GLT1D1: variants seen among roughly 807,000 people sequenced by gnomAD.
The protein encoded by GLT1D1 is glycosyltransferase 1 domain containing 1.
GLT1D1 carries 21 observed loss-of-function variants against 28.7 expected under a neutral mutation model. The ratio of observed to expected loss-of-function variants is 0.73; its 90% CI spans 0.52 to 1.05. GLT1D1 has a LOEUF of 1.05. Ranked by LOEUF, GLT1D1 falls within the 50% of genes least tolerant of loss-of-function variation. The probability of loss-of-function intolerance (pLI) is 0.00; values close to 1 mark genes in which losing one functional copy is unlikely to be tolerated. For synonymous variants in GLT1D1, 147 were observed against 124.8 expected (o/e 1.18, Z -1.19); for missense variants, 343 against 330.6 (o/e 1.04, Z -0.29).
At chr12:128,953,252 T>G (rs930104428) in intron 6 of GLT1D1, among the ~76,000 whole-genome samples, 5 of 152,366 alleles carry the variant, frequency 3.3e-5, no homozygotes, top group African/African-American at 1.2e-4. Flanking sequence ...CAGATATTTA[T>G]TTCCTAAATA....
At chr12:128,859,940 A>C (rs1388418554) in intron 1 of GLT1D1, among the ~76,000 whole-genome samples, 1 of 152,168 alleles carries the variant, frequency 6.6e-6, no homozygotes, top group East Asian at 1.9e-4. Flanking sequence ...TGGGCAAAAA[A>C]TCTGGGGGAT....
intron 7 of GLT1D1, among the ~76,000 whole-genome samples, chr12:128,966,418 A>G (rs1019064050): frequency 1.3e-5 from 2 of 152,168 alleles, no homozygotes; most frequent in African/African-American, 4.8e-5. Context: ...CTCACAGGTA[A>G]CTTGAGTCCC....
intron 3 of GLT1D1, among the ~76,000 whole-genome samples, chr12:128,895,265 T>C (rs1037145136): frequency 2.6e-5 from 4 of 152,096 alleles, no homozygotes; most frequent in African/African-American, 9.7e-5. Context: ...AGCTTGGAAA[T>C]GTATGTATGT....
intron 7 of GLT1D1, among the ~76,000 whole-genome samples, chr12:128,971,848 T>C (rs1344084586): frequency 3.8e-5 from 2 of 51,998 alleles, no homozygotes; most frequent in African/African-American, 1.1e-4. Flanking sequence ...TCCCTTCCTC[T>C]CTCCCTTCCC....
intron 6 of GLT1D1, among the ~76,000 whole-genome samples, chr12:128,953,299 T>G (rs1876918805): frequency 6.6e-6 from 1 of 152,192 alleles, no homozygotes. Flanking sequence ...TTCACTTTCT[T>G]AATGGTTTCC....
rs117084848 is a variant in GLT1D1 at position 128,898,146 on chromosome 12, T to C, written c.324-1090T>C. Among the ~76,000 whole-genome samples, 348 of 152,060 alleles carry C rather than the reference T, an allele frequency of 2.3e-3. 10 individuals are homozygous for C. In the East Asian group the frequency reaches 0.059, roughly 26 times the overall value. Reference sequence around the variant, plus strand: ...CTTCTTCTTCTTCCTCTTCCTCTTCTTCCTCCTCCTCCTCCTCCTTCTTCT... The same window carrying C: ...CTTCTTCTTCTTCCTCTTCCTCTTCCTCCTCCTCCTCCTCCTCCTTCTTCT... On this transcript the variant is annotated intron_variant, in intron 3 of 7. Coordinates refer to ENST00000281703, the MANE Select transcript of GLT1D1 (RefSeq NM_144669.3).
intron 2 of GLT1D1, among the ~76,000 whole-genome samples, chr12:128,887,014 AT>A (rs60745415): frequency 0.012 from 1,652 of 142,740 alleles, 20 homozygotes; most frequent in African/African-American, 0.032. Context: ...CCCAACCCAG[AT>A]TTTTTTTTTT....
chr12:128,940,713 C>T (rs1875118546), intron 4 of GLT1D1, among the ~76,000 whole-genome samples: 1 of 152,186 alleles, frequency 6.6e-6, no homozygotes, highest in African/African-American at 2.4e-5. Flanking sequence ...CTGTTCCTTC[C>T]AGATGCAAAG....
chr12:128,908,386 T>G (rs1795678), intron 4 of GLT1D1, among the ~76,000 whole-genome samples: 1 of 131,178 alleles, frequency 7.6e-6, no homozygotes, highest in Non-Finnish European at 1.6e-5. Flanking sequence ...TTCTTTCTCT[T>G]TCTTTCTCTC....
chr12:128,876,922 C>T (rs1266753191), intron 2 of GLT1D1, among the ~76,000 whole-genome samples: 1 of 152,158 alleles, frequency 6.6e-6, no homozygotes, highest in African/African-American at 2.4e-5. Flanking sequence ...CACAAAGCTA[C>T]AAATGGCTTA....
chr12:128,864,269 G>A (rs1004598057), intron 1 of GLT1D1: 7 of 534,148 alleles, frequency 1.3e-5, no homozygotes, highest in East Asian at 3.2e-5. Context: ...GTGGGATGAA[G>A]TTTGCTTAGT....
intron 1 of GLT1D1, among the ~76,000 whole-genome samples, chr12:128,855,663 G>C (rs1054822955): frequency 6.6e-6 from 1 of 150,796 alleles, no homozygotes; most frequent in African/African-American, 2.4e-5. Context: ...AGTCCTTAAA[G>C]TGAAAGCAAG....
intron 1 of GLT1D1, among the ~76,000 whole-genome samples, chr12:128,864,741 G>C (rs1034883491): frequency 3.1e-4 from 47 of 149,966 alleles, no homozygotes; most frequent in African/African-American, 1.2e-3. Context: ...AACAGGGAGA[G>C]GCATGACTGT....
chr12:128,973,887 A>AG, intron 7 of GLT1D1, among the ~76,000 whole-genome samples: 1 of 110,950 alleles, frequency 9.0e-6, no homozygotes, highest in Non-Finnish European at 1.8e-5. Context: ...GTGTGTGTGT[A>AG]GGGGGTGTGT....
At chr12:128,956,760 A>C (rs1444317985) in intron 6 of GLT1D1, among the ~76,000 whole-genome samples, 3 of 152,026 alleles carry the variant, frequency 2.0e-5, no homozygotes. Flanking sequence ...ATGACTAGGG[A>C]ATCAGGTATT....
chr12:128,917,551 T>G (rs1872223879), intron 4 of GLT1D1, among the ~76,000 whole-genome samples: 1 of 152,186 alleles, frequency 6.6e-6, no homozygotes, highest in Admixed American at 6.5e-5. Flanking sequence ...GTGCCGGGAT[T>G]ACAGGCATGA....
At chr12:128,855,809 A>G (rs1276726500) in intron 1 of GLT1D1, among the ~76,000 whole-genome samples, 4 of 137,610 alleles carry the variant, frequency 2.9e-5, no homozygotes, top group African/African-American at 5.5e-5. Flanking sequence ...CTGGAGTGCA[A>G]TGGCGGGGTC....
intron 1 of GLT1D1, among the ~76,000 whole-genome samples, chr12:128,869,202 G>A (rs950678953): frequency 6.6e-6 from 1 of 151,328 alleles, no homozygotes. Flanking sequence ...GGTCTCACTC[G>A]GTCGTCCAGG....
At chr12:128,896,221 G>T (rs1343397085) in intron 3 of GLT1D1, among the ~76,000 whole-genome samples, 1 of 152,130 alleles carries the variant, frequency 6.6e-6, no homozygotes, top group Non-Finnish European at 1.5e-5. Context: ...GTGGGATTAA[G>T]GGAGTAGTTT....
Sources: gnomAD v4.1 joint callset for allele counts (sites outside exome capture counted in the v4.1 genomes callset) on GRCh38, gnomAD v4.1.1 for gene constraint, MANE v1.5 for transcripts, NCBI Gene and HGNC (gene_info 2026-07-23, HGNC 2026-07-21) for gene names.